EDARADD: variants seen among roughly 807,000 people sequenced by gnomAD.
EDARADD encodes the protein EDAR associated via death domain, also known as ectodysplasin-A receptor-associated adapter protein.
Under a neutral mutation model 25.6 loss-of-function variants are expected in EDARADD, and 20 were observed. The ratio of observed to expected loss-of-function variants is 0.78; its 90% CI spans 0.55 to 1.14. The LOEUF (loss-of-function observed/expected upper bound fraction) is 1.14. Among genes scored for constraint, EDARADD ranks in the 50% most tolerant of loss-of-function variants. The pLI is 0.00. For missense variants in EDARADD, 225 were observed against 270.1 expected, an observed-to-expected ratio of 0.83 and a Z score of 1.17; for synonymous variants, 86 against 94.4, an observed-to-expected ratio of 0.91 and a Z score of 0.52.
Position 236,483,780 on chromosome 1 carries a change from G to A in EDARADD, c.*1131G>A, listed in dbSNP as rs146714861. 697 of 1,471,444 alleles carry A rather than the reference G, an allele frequency of 4.7e-4. 5 individuals are homozygous for A. In the African/African-American group the frequency reaches 8.6e-3, roughly 18 times the overall value. The allele number at this position is 1,471,444 out of a possible 1,614,324, so 91.1% of individuals were successfully genotyped here. A position where few individuals can be genotyped will look rare whatever the true frequency, so the allele number is the denominator to read the frequency against. On this transcript the variant is annotated 3_prime_UTR_variant, in exon 6 of 6. Coordinates refer to ENST00000334232, the MANE Select transcript of EDARADD (RefSeq NM_145861.4). ...GGAGAAATATGGGAAAGATGCCACC[G>A]GTGTGGGGGATGGAGGCGCGTTTGC...
At chr1:236,445,952 G>T (rs1438164047) in intron 4 of EDARADD, among the ~76,000 whole-genome samples, 3 of 152,198 alleles carry the variant, frequency 2.0e-5, no homozygotes, top group African/African-American at 7.2e-5. Context: ...CATACACAAA[G>T]AATGCTTTCA....
chr1:236,366,597 C>A (rs1667114207), intron 3 of EDARADD, among the ~76,000 whole-genome samples: 1 of 152,186 alleles, frequency 6.6e-6, no homozygotes, highest in South Asian at 2.1e-4. Flanking sequence ...CCTATGAACA[C>A]TAACTGCTTC....
In EDARADD at chr1:236,483,946, T is replaced by A. The variant is rs533426728; in HGVS notation, c.*1297T>A. The A allele has an allele frequency of 7.3e-7, 1 of 1,371,190 alleles. No individual in the cohort carries two copies. 84.9% of individuals were successfully genotyped at this position (1,371,190 alleles called of 1,614,324 possible). A position where few individuals can be genotyped will look rare whatever the true frequency, so the allele number is the denominator to read the frequency against. On this transcript the variant is annotated 3_prime_UTR_variant, in exon 6 of 6. Coordinates refer to ENST00000334232, the MANE Select transcript of EDARADD (RefSeq NM_145861.4). ...AGGTCTGGAAAGTATGACCTGGAAT[T>A]CAAGTTTCTCGACGACCCCACCAGG...
At chr1:236,481,600 CAAA>C (rs35354317) in intron 5 of EDARADD, among the ~76,000 whole-genome samples, 8 of 137,182 alleles carry the variant, frequency 5.8e-5, no homozygotes, top group Non-Finnish European at 9.4e-5. Context: ...CCACCTCTAC[CAAA>C]AAAAAAAAAA....
intron 4 of EDARADD, among the ~76,000 whole-genome samples, chr1:236,441,237 C>T (rs1284862302): frequency 6.8e-6 from 1 of 147,394 alleles, no homozygotes; most frequent in Non-Finnish European, 1.5e-5. Context: ...AAGCCAAAGA[C>T]TAATCCAGAG....
intron 3 of EDARADD, among the ~76,000 whole-genome samples, chr1:236,363,465 C>T (rs1300258507): frequency 6.6e-6 from 1 of 151,682 alleles, no homozygotes; most frequent in African/African-American, 2.4e-5. Context: ...GCCTGTAATC[C>T]CAGCACTTTG....
Position 236,375,868 on chromosome 1 carries a change from C to G in EDARADD, c.-6+25029C>G, listed in dbSNP as rs1021421834. Among the ~76,000 whole-genome samples, 79 of 148,280 alleles carry G rather than the reference C, an allele frequency of 5.3e-4. 1 individual carries two copies. Among genetic ancestry groups the G allele is most frequent in the African/African-American group, 1.9e-3 (75 of 40,330 alleles). On this transcript the variant is annotated intron_variant, in intron 3 of 7. Transcript: ENST00000439430. ...TGCCACTGCATTCCAGCCTAAGTAA[C>G]AGATTGAGCCCCTGTCTCTAAAAAG... is the stretch of plus-strand genomic sequence containing the variant.
chr1:236,350,689 A>AT (rs34419187), intron 2 of EDARADD: 52,759 of 151,946 alleles, frequency 0.35, 9,457 homozygotes, highest in African/African-American at 0.44. Context: ...TTTCAAAGTT[A>AT]TTTTCCTCCT....
chr1:236,388,485 T>C (rs1352556589), intron 3 of EDARADD, among the ~76,000 whole-genome samples: 1 of 152,256 alleles, frequency 6.6e-6, no homozygotes, highest in Non-Finnish European at 1.5e-5. Context: ...ATGACTATCT[T>C]TACAATATTG....
At chr1:236,350,287 G>A (rs542217937) in intron 2 of EDARADD, among the ~76,000 whole-genome samples, 1 of 152,262 alleles carries the variant, frequency 6.6e-6, no homozygotes, top group Non-Finnish European at 1.5e-5. Context: ...TGGAAAGTAA[G>A]TCATGATATA....
chr1:236,383,070 A>C (rs910589633), intron 3 of EDARADD, among the ~76,000 whole-genome samples: 1 of 152,072 alleles, frequency 6.6e-6, no homozygotes, highest in Admixed American at 6.6e-5. Context: ...TCTCTGTCTG[A>C]GTGTCCTTTC....
chr1:236,480,899 T>C (rs1659653940), intron 5 of EDARADD, among the ~76,000 whole-genome samples: 1 of 152,152 alleles, frequency 6.6e-6, no homozygotes, highest in African/African-American at 2.4e-5. Context: ...TCCTCTGGGG[T>C]AGGCGCATGC....
chr1:236,354,856 G>C (rs528716745), intron 3 of EDARADD, among the ~76,000 whole-genome samples: 1 of 152,234 alleles, frequency 6.6e-6, no homozygotes, highest in East Asian at 1.9e-4. Context: ...TCCCCAAAGT[G>C]AACATGGGAT....
intron 2 of EDARADD, chr1:236,350,678 C>T (rs1429043174): frequency 1.5e-5 from 2 of 135,228 alleles, no homozygotes; most frequent in East Asian, 4.6e-4. Context: ...CAGATTGGTC[C>T]TTTCAAAGTT....
intron 1 of EDARADD, among the ~76,000 whole-genome samples, chr1:236,405,869 C>CTTT (rs1482858911): frequency 2.3e-3 from 142 of 60,440 alleles, no homozygotes; most frequent in African/African-American, 8.1e-3. Flanking sequence ...TTCCTTCCTT[C>CTTT]CTTCCTTCTT....
chr1:236,402,867 G>A (rs571506919), intron 1 of EDARADD, among the ~76,000 whole-genome samples: 25 of 152,306 alleles, frequency 1.6e-4, no homozygotes, highest in African/African-American at 6.0e-4. Context: ...CTTCCTCAGG[G>A]TTACTGGAAG....
At chr1:236,438,871 T>C (rs987484570) in intron 4 of EDARADD, among the ~76,000 whole-genome samples, 3 of 152,078 alleles carry the variant, frequency 2.0e-5, no homozygotes, top group African/African-American at 7.2e-5. Context: ...TTCAAATTGG[T>C]TTAAATTAGG....
intron 4 of EDARADD, among the ~76,000 whole-genome samples, chr1:236,461,301 T>C (rs1007891667): frequency 6.6e-6 from 1 of 152,266 alleles, no homozygotes; most frequent in Admixed American, 6.5e-5. Context: ...TAGATTTAAG[T>C]CTTCCATTGA....
chr1:236,467,420 ACACG>A (rs1234258585), intron 4 of EDARADD, among the ~76,000 whole-genome samples: 1 of 92,146 alleles, frequency 1.1e-5, no homozygotes, highest in African/African-American at 5.2e-5. Flanking sequence ...GGAAGCACAC[ACACG>A]CGCACACACA....
Sources: allele counts gnomAD v4.1 joint callset (sites outside exome capture counted in the v4.1 genomes callset), GRCh38; gene constraint gnomAD v4.1.1; transcripts MANE v1.5; gene names NCBI Gene and HGNC (gene_info 2026-07-23, HGNC 2026-07-21).